Variants in ANKS1B observed in about 807,000 individuals in gnomAD.
ANKS1B encodes the protein ankyrin repeat and sterile alpha motif domain containing 1B.
Under a neutral mutation model 148.3 loss-of-function variants are expected in ANKS1B, and 36 were observed. That is an observed-to-expected ratio of 0.24 (90% CI 0.19 to 0.32). The LOEUF is 0.32. ANKS1B is among the 10% of genes least tolerant of loss of function. The pLI is 1.00. For missense variants in ANKS1B, 1,157 were observed against 1,542.6 expected, an observed-to-expected ratio of 0.75 and a Z score of 4.19; for synonymous variants, 542 against 560.8, an observed-to-expected ratio of 0.97 and a Z score of 0.47.
chr12:99,478,473 T>C (rs2096361433), intron 10 of ANKS1B, among the ~76,000 whole-genome samples: 1 of 152,058 alleles, frequency 6.6e-6, no homozygotes, highest in Non-Finnish European at 1.5e-5. Context: ...GTCACTCCCA[T>C]GTACATACAG....
intron 17 of ANKS1B, among the ~76,000 whole-genome samples, chr12:99,002,488 C>CTTTTTT (rs140934941): frequency 6.8e-6 from 1 of 147,486 alleles, no homozygotes. Flanking sequence ...GTACTTATCT[C>CTTTTTT]TCTTTTTTTT....
chr12:99,915,445 A>G (rs2094144371), intron 1 of ANKS1B, among the ~76,000 whole-genome samples: 1 of 152,158 alleles, frequency 6.6e-6, no homozygotes, highest in African/African-American at 2.4e-5. Context: ...ATATGGAGGC[A>G]ATCTCTGGTG....
chr12:98,961,331 C>T (rs2099871049), intron 17 of ANKS1B, among the ~76,000 whole-genome samples: 1 of 152,158 alleles, frequency 6.6e-6, no homozygotes, highest in Admixed American at 6.5e-5. Context: ...ACTGGCATGA[C>T]ATATTTAATG....
chr12:99,442,586 CTGA>C (rs1305778141), intron 11 of ANKS1B, among the ~76,000 whole-genome samples: 3 of 151,820 alleles, frequency 2.0e-5, no homozygotes, highest in African/African-American at 7.3e-5. Context: ...TCTATAAACA[CTGA>C]AACACAAATT....
At chr12:98,778,274 G>A (rs528868863) in intron 24 of ANKS1B, among the ~76,000 whole-genome samples, 112 of 152,164 alleles carry the variant, frequency 7.4e-4, no homozygotes, top group Non-Finnish European at 1.2e-3. Context: ...TCAGGAGTTC[G>A]AGACCAGCCT....
chr12:99,240,533 G>A (rs1346077832), intron 14 of ANKS1B, among the ~76,000 whole-genome samples: 1 of 152,112 alleles, frequency 6.6e-6, no homozygotes, highest in Non-Finnish European at 1.5e-5. Context: ...GGATATCCAG[G>A]ACTTGAACTC....
At chr12:98,946,453 T>G (rs2099845673) in intron 17 of ANKS1B, among the ~76,000 whole-genome samples, 1 of 152,356 alleles carries the variant, frequency 6.6e-6, no homozygotes, top group South Asian at 2.1e-4. Flanking sequence ...GTACAGGCAC[T>G]GCTTTAAGCA....
chr12:99,799,132 T>G (rs1248848383), intron 4 of ANKS1B, among the ~76,000 whole-genome samples: 1 of 152,120 alleles, frequency 6.6e-6, no homozygotes, highest in East Asian at 1.9e-4. Context: ...TACTGCTATA[T>G]CCTCTGGCAC....
chr12:99,640,369 T>C (rs1171491188), intron 9 of ANKS1B, among the ~76,000 whole-genome samples: 1 of 152,078 alleles, frequency 6.6e-6, no homozygotes, highest in African/African-American at 2.4e-5. Context: ...ACAAAACTCA[T>C]TTTGAAATTT....
intron 12 of ANKS1B, among the ~76,000 whole-genome samples, chr12:99,373,701 T>A (rs1056014232): frequency 5.9e-5 from 9 of 152,144 alleles, no homozygotes; most frequent in South Asian, 4.1e-4. Context: ...GTTTTTTTTT[T>A]AAATCCTGCT....
At chr12:99,832,360 G>T (rs1187787927) in intron 1 of ANKS1B, among the ~76,000 whole-genome samples, 1 of 152,050 alleles carries the variant, frequency 6.6e-6, no homozygotes, top group Non-Finnish European at 1.5e-5. Context: ...GGCTGAGGCG[G>T]GCGGATCACC....
intron 1 of ANKS1B, 81 bp downstream of exon 1, chr12:99,984,023 A>C: frequency 3.3e-5 from 42 of 1,256,062 alleles, no homozygotes; most frequent in Middle Eastern, 2.0e-4. Context: ...CACCAGGTGC[A>C]ATAACCGTGA....
intron 9 of ANKS1B, among the ~76,000 whole-genome samples, chr12:99,574,710 T>C (rs1383279150): frequency 6.6e-6 from 1 of 151,890 alleles, no homozygotes; most frequent in African/African-American, 2.4e-5. Context: ...GAAAAGGCAT[T>C]TGACAAAATT....
chr12:99,116,160 C>T (rs1041734619), intron 15 of ANKS1B, among the ~76,000 whole-genome samples: 2 of 152,142 alleles, frequency 1.3e-5, no homozygotes, highest in Non-Finnish European at 2.9e-5. Flanking sequence ...TGACACATAG[C>T]AAGCACTCCT....
At chr12:99,975,815 T>C (rs1030144623) in intron 1 of ANKS1B, among the ~76,000 whole-genome samples, 68 of 152,226 alleles carry the variant, frequency 4.5e-4, no homozygotes, top group Non-Finnish European at 7.9e-4. Flanking sequence ...GAACCTAAAA[T>C]TGCTACCATT....
intron 9 of ANKS1B, among the ~76,000 whole-genome samples, chr12:99,617,385 A>G (rs2097980122): frequency 6.6e-6 from 1 of 152,156 alleles, no homozygotes; most frequent in Non-Finnish European, 1.5e-5. Flanking sequence ...CTTGGAACCA[A>G]CCCAAATGCC....
intron 1 of ANKS1B, among the ~76,000 whole-genome samples, chr12:99,862,864 G>A (rs1441289015): frequency 6.6e-6 from 1 of 152,138 alleles, no homozygotes; most frequent in Non-Finnish European, 1.5e-5. Context: ...TAAAGGAGGG[G>A]AAGCTGACAT....
chr12:99,317,004 A>G (rs539826375), intron 12 of ANKS1B, among the ~76,000 whole-genome samples: 1 of 151,358 alleles, frequency 6.6e-6, no homozygotes, highest in Admixed American at 6.6e-5. Context: ...ATTTCTGAGG[A>G]CTCTGCTCTG....
intron 12 of ANKS1B, among the ~76,000 whole-genome samples, chr12:99,257,644 G>A (rs1042358359): frequency 2.6e-5 from 4 of 151,824 alleles, no homozygotes; most frequent in Admixed American, 1.3e-4. Context: ...TATAGTCATT[G>A]AGCGCTAAAT....
Sources: allele counts gnomAD v4.1 joint callset (sites outside exome capture counted in the v4.1 genomes callset), GRCh38; gene constraint gnomAD v4.1.1; transcripts MANE v1.5; gene names NCBI Gene and HGNC (gene_info 2026-07-23, HGNC 2026-07-21).